SLC25A4: variants seen among roughly 807,000 people sequenced by gnomAD.
SLC25A4 encodes ADP/ATP translocase 1.
SLC25A4 carries 10 observed loss-of-function variants against 24.7 expected under a neutral mutation model. The ratio of observed to expected loss-of-function variants is 0.41; its 90% CI spans 0.25 to 0.69. The LOEUF (loss-of-function observed/expected upper bound fraction) is 0.69. SLC25A4 is among the 30% of genes least tolerant of loss of function. SLC25A4 has a pLI of 0.35. For synonymous variants in SLC25A4, 125 were observed against 153.3 expected, an observed-to-expected ratio of 0.82 and a Z score of 1.36; for missense variants, 273 against 387.6, an observed-to-expected ratio of 0.70 and a Z score of 2.48.
Position 185,143,301 on chromosome 4 carries a change from G to C in SLC25A4, c.-72G>C. ...CGTCGCGCAGGGTCGGGGACTGCGCGGCGGTGCCAGGCCGGGCGTGGGCGA... is the reference window on the plus strand; with the variant it reads ...CGTCGCGCAGGGTCGGGGACTGCGCCGCGGTGCCAGGCCGGGCGTGGGCGA... On this transcript the variant is annotated 5_prime_UTR_variant, in exon 1 of 4. Transcript: ENST00000281456. 1.1e-6 allele frequency: 1 copy of C among 875,644 alleles called. No individual in the cohort carries two copies. The highest frequency in any genetic ancestry group is 1.8e-6 in the Non-Finnish European group (1 of 556,758). 54.2% of individuals were successfully genotyped at this position (875,644 alleles called of 1,614,324 possible). A position where few individuals can be genotyped will look rare whatever the true frequency, so the allele number is the denominator to read the frequency against.
chr4:185,145,234 CTA>C lies in SLC25A4; in HGVS notation c.584_585del (p.Tyr195Ter). 1.2e-6 allele frequency: 2 copies of C among 1,614,040 alleles called. No homozygotes were observed. The highest frequency in any genetic ancestry group is 1.7e-6 in the Non-Finnish European group (2 of 1,180,022). On this transcript the variant is annotated frameshift_variant, in exon 2 of 4. Transcript: ENST00000281456. LOFTEE classifies it high-confidence loss of function. The surrounding 1 kb of genome is among the most constrained non-coding windows in gnomAD (Gnocchi z 5.5). ...TCTATAGAGCTGCCTACTTCGGAGTCTATGATACTGCCAAGGGTGAGAGAGGG... is the reference window on the plus strand; with the variant it reads ...TCTATAGAGCTGCCTACTTCGGAGTCTGATACTGCCAAGGGTGAGAGAGGG... Reference protein sequence around the residue: ...IIYRAAYFGVYDTAKGMLPDP... With the variant: ...IIYRAAYFGVXDTAKGMLPDP...
Position 185,143,411 on chromosome 4 carries a change from G to A in SLC25A4, c.39G>A (p.Leu13=). 3 of 1,527,034 alleles carry A rather than the reference G, an allele frequency of 2.0e-6. No individual in the cohort carries two copies. Among genetic ancestry groups the A allele is most frequent in the Non-Finnish European group, 2.6e-6 (3 of 1,134,598 alleles). 94.6% of individuals were successfully genotyped at this position (1,527,034 alleles called of 1,614,324 possible). A position where few individuals can be genotyped will look rare whatever the true frequency, so the allele number is the denominator to read the frequency against. Residue 13 remains leucine (L), a synonymous_variant, in exon 1 of 4, where the codon CTG becomes CTA. Coordinates refer to ENST00000281456, the MANE Select transcript of SLC25A4 (RefSeq NM_001151.4). ...DHAWSFLKDF[L]AGGVAAAVSK... ...CTTGGAGCTTCCTAAAGGACTTCCT[G>A]GCCGGGGGCGTCGCCGCTGCCGTCT... is the stretch of plus-strand genomic sequence containing the variant.
Position 185,148,944 on chromosome 4 carries a change from C to G in SLC25A4, c.*1973C>G, listed in dbSNP as rs988307253. ...CACCGACTCACTCCTGCCTCCCCAGCTAAAAATTGGCTGTGTTGCTTTTAC... is the reference window on the plus strand; with the variant it reads ...CACCGACTCACTCCTGCCTCCCCAGGTAAAAATTGGCTGTGTTGCTTTTAC... On this transcript the variant is annotated 3_prime_UTR_variant, in exon 4 of 4. Transcript: ENST00000281456. 2 of 152,314 alleles carry G rather than the reference C, an allele frequency of 1.3e-5. No individual in the cohort carries two copies. The highest frequency in any genetic ancestry group is 2.4e-5 in the African/African-American group (1 of 41,456). 9.4% of individuals were successfully genotyped at this position (152,314 alleles called of 1,614,324 possible). A position where few individuals can be genotyped will look rare whatever the true frequency, so the allele number is the denominator to read the frequency against.
rs751852654 is a variant in SLC25A4, at chr4:185,146,961, AAT to A, written c.890_891del (p.Tyr297CysfsTer4). 5.0e-6 allele frequency: 8 copies of A among 1,614,006 alleles called. No individual in the cohort carries two copies. The highest frequency in any genetic ancestry group is 5.1e-6 in the Non-Finnish European group (6 of 1,179,904). Reference sequence around the variant, plus strand: ...TTGGTGTTGTATGATGAGATCAAAAAATATGTCTAATGTAATTAAAACACAAG... The same window carrying A: ...TTGGTGTTGTATGATGAGATCAAAAAATGTCTAATGTAATTAAAACACAAG... On this transcript the variant is annotated frameshift_variant, in exon 4 of 4. Coordinates refer to ENST00000281456, the MANE Select transcript of SLC25A4 (RefSeq NM_001151.4). LOFTEE classifies it high-confidence loss of function.
In SLC25A4 at chr4:185,145,556, C is replaced by T. The variant is rs1734427303; in HGVS notation, c.599-203C>T. 2 of 683,944 alleles carry T rather than the reference C, an allele frequency of 2.9e-6. No individual in the cohort carries two copies. Among genetic ancestry groups the T allele is most frequent in the Non-Finnish European group, 4.9e-6 (2 of 411,550 alleles). The allele number at this position is 683,944 out of a possible 1,614,324, so 42.4% of individuals were successfully genotyped here. On this transcript the variant is annotated intron_variant, in intron 2 of 3. Coordinates refer to ENST00000281456, the MANE Select transcript of SLC25A4 (RefSeq NM_001151.4). This position sits in a 1 kb window ranked among gnomAD's most constrained non-coding sequence, Gnocchi z 5.5. ...CCACTTCCAATGCCCTGTATACAAG[C>T]TGAGCACTGCCCCTCCGGGGTCCGG... is the stretch of plus-strand genomic sequence containing the variant.
At position 185,148,837 on chromosome 4, in the gene SLC25A4, C is replaced by T. The variant is rs1023174481; in HGVS notation, c.*1866C>T. The T allele has an allele frequency of 6.6e-6, 1 of 152,484 alleles. No homozygotes were observed. 9.4% of individuals were successfully genotyped at this position (152,484 alleles called of 1,614,324 possible). On this transcript the variant is annotated 3_prime_UTR_variant, in exon 4 of 4. Coordinates refer to ENST00000281456, the MANE Select transcript of SLC25A4 (RefSeq NM_001151.4). ...AGCTTGAAAGGCAGGCAAATGTCTT[C>T]TCTGTGTTTTCTGACAGGTGGTTGG...
chr4:185,143,670 G>A (rs1734387414), intron 1 of SLC25A4, among the ~76,000 whole-genome samples, 187 bp downstream of exon 1: 1 of 143,408 alleles, frequency 7.0e-6, no homozygotes, highest in South Asian at 2.3e-4. Context: ...GACAGGTCCA[G>A]CGTCAGTCGC....
Position 185,145,322 on chromosome 4 carries a change from G to A in SLC25A4, c.598+72G>A. The A allele has an allele frequency of 6.2e-7, 1 of 1,605,610 alleles. No homozygotes were observed. The highest frequency in any genetic ancestry group is 8.5e-7 in the Non-Finnish European group (1 of 1,178,048). Reference sequence around the variant, plus strand: ...TCCTATGGGATCTATAACTCACAAAGGACCTGATATATATTGATCTTGTTT... The same window carrying A: ...TCCTATGGGATCTATAACTCACAAAAGACCTGATATATATTGATCTTGTTT... On this transcript the variant is annotated intron_variant, in intron 2 of 3. Transcript: ENST00000281456. The surrounding 1 kb of genome is among the most constrained non-coding windows in gnomAD (Gnocchi z 5.5).
In SLC25A4 at chr4:185,144,991, T is replaced by C. The variant is rs751431997; in HGVS notation, c.339T>C (p.Phe113=). 4 of 1,613,470 alleles carry C rather than the reference T, an allele frequency of 2.5e-6. No individual in the cohort carries two copies. Among genetic ancestry groups the C allele is most frequent in the Non-Finnish European group, 3.4e-6 (4 of 1,179,828 alleles). Residue 113 remains phenylalanine, a synonymous_variant, in exon 2 of 4, where the codon TTT becomes TTC. Coordinates refer to ENST00000281456, the MANE Select transcript of SLC25A4 (RefSeq NM_001151.4). ...GGCATAAGCAGTTCTGGCGCTACTTTGCTGGTAACCTGGCGTCCGGTGGGG... is the reference window on the plus strand; with the variant it reads ...GGCATAAGCAGTTCTGGCGCTACTTCGCTGGTAACCTGGCGTCCGGTGGGG... ...VDRHKQFWRY[F]AGNLASGGAA...
intron 3 of SLC25A4, among the ~76,000 whole-genome samples, chr4:185,146,327 A>G (rs1488787071): frequency 1.3e-5 from 2 of 152,076 alleles, no homozygotes; most frequent in African/African-American, 4.8e-5. Context: ...GTGCCAGAGA[A>G]AGTTTTGGCT....
intron 3 of SLC25A4, 113 bp from the exon 4 acceptor site, chr4:185,146,701 G>A: frequency 8.1e-7 from 1 of 1,232,754 alleles, no homozygotes; most frequent in Non-Finnish European, 1.2e-6. Context: ...GGGACTCCAT[G>A]CCCAGATGAC....
intron 3 of SLC25A4, among the ~76,000 whole-genome samples, chr4:185,146,510 C>T (rs903049492): frequency 1.3e-5 from 2 of 152,192 alleles, no homozygotes; most frequent in Non-Finnish European, 2.9e-5. Flanking sequence ...AAGGTAACCG[C>T]GTAGCATAAT....
At chr4:185,144,715 C>T (rs1734406374) in intron 1 of SLC25A4, 49 bp from the exon 2 acceptor site, 1 of 1,594,488 alleles carries the variant, frequency 6.3e-7, no homozygotes, top group Non-Finnish European at 8.6e-7. Context: ...GTCCTCTTCC[C>T]TTCTCTCTAC....
rs1024232355 is a variant in SLC25A4, at chr4:185,146,820, T to C, written c.746T>C (p.Ile249Thr). The C allele has an allele frequency of 4.3e-6, 7 of 1,614,082 alleles. No individual in the cohort carries two copies. The highest frequency in any genetic ancestry group is 4.5e-5 in the East Asian group (2 of 44,892). Residue 249 changes from isoleucine (I) to threonine (T), a missense_variant, in exon 4 of 4, where the codon ATT becomes ACT. Ile to Thr is a moderately conservative substitution (Grantham distance 89, BLOSUM62 -1). Coordinates refer to ENST00000281456, the MANE Select transcript of SLC25A4 (RefSeq NM_001151.4). ...CCAGCATTTGTTTCCACAGCCGATA[T>C]TATGTACACGGGGACAGTTGACTGC... ...MMQSGRKGAD[I>T]MYTGTVDCWR...
chr4:185,145,378 G>A lies in SLC25A4; in HGVS notation c.598+128G>A, dbSNP rs527891657. Reference sequence around the variant, plus strand: ...AGTCTCTGGGATAATTGAGGCTTCTGAATGAGGAGGTGATGTGCATAAGTT... The same window carrying A: ...AGTCTCTGGGATAATTGAGGCTTCTAAATGAGGAGGTGATGTGCATAAGTT... On this transcript the variant is annotated intron_variant, in intron 2 of 3. Coordinates refer to ENST00000281456, the MANE Select transcript of SLC25A4 (RefSeq NM_001151.4). This position sits in a 1 kb window ranked among gnomAD's most constrained non-coding sequence, Gnocchi z 5.5. 5.6e-4 allele frequency: 777 copies of A among 1,390,412 alleles called. 3 individuals are homozygous for A. The highest frequency in any genetic ancestry group is 2.4e-3 in the South Asian group (200 of 82,340). The allele number at this position is 1,390,412 out of a possible 1,614,324, so 86.1% of individuals were successfully genotyped here.
chr4:185,143,410 TG>T lies in SLC25A4; in HGVS notation c.40del (p.Ala14ProfsTer46). 1 of 1,526,022 alleles carries T rather than the reference TG, an allele frequency of 6.6e-7. No individual in the cohort carries two copies. Among genetic ancestry groups the T allele is most frequent in the East Asian group, 2.6e-5 (1 of 38,706 alleles). 94.5% of individuals were successfully genotyped at this position (1,526,022 alleles called of 1,614,324 possible). On this transcript the variant is annotated frameshift_variant, in exon 1 of 4. Transcript: ENST00000281456. LOFTEE classifies it high-confidence loss of function. ...DHAWSFLKDF[L>X]AGGVAAAVSK... is the part of the protein sequence containing the mutation. ...GCTTGGAGCTTCCTAAAGGACTTCC[TG>T]GCCGGGGGCGTCGCCGCTGCCGTCT...
chr4:185,145,361 G>C lies in SLC25A4; in HGVS notation c.598+111G>C. 6.6e-7 allele frequency: 1 copy of C among 1,514,692 alleles called. No individual in the cohort carries two copies. Among genetic ancestry groups the C allele is most frequent in the Non-Finnish European group, 9.0e-7 (1 of 1,109,036 alleles). 93.8% of individuals were successfully genotyped at this position (1,514,692 alleles called of 1,614,324 possible). A position where few individuals can be genotyped will look rare whatever the true frequency, so the allele number is the denominator to read the frequency against. ...TTGATCTTGTTTTTTCTAGTCTCTG[G>C]GATAATTGAGGCTTCTGAATGAGGA... is the stretch of plus-strand genomic sequence containing the variant. On this transcript the variant is annotated intron_variant, in intron 2 of 3. Transcript: ENST00000281456. This position sits in a 1 kb window ranked among gnomAD's most constrained non-coding sequence, Gnocchi z 5.5.
chr4:185,145,685 C>T lies in SLC25A4; in HGVS notation c.599-74C>T. On this transcript the variant is annotated intron_variant, in intron 2 of 3. Coordinates refer to ENST00000281456, the MANE Select transcript of SLC25A4 (RefSeq NM_001151.4). The surrounding 1 kb of genome is among the most constrained non-coding windows in gnomAD (Gnocchi z 5.5). ...GAGCATGGAGCTGGAGGTGCAGTGG[C>T]CTCTCTCCCTCCACCTGCTTTCTGC... 1 of 1,574,154 alleles carries T rather than the reference C, an allele frequency of 6.4e-7. No homozygotes were observed. The highest frequency in any genetic ancestry group is 8.7e-7 in the Non-Finnish European group (1 of 1,147,548).
In SLC25A4 at chr4:185,143,294, A is replaced by G. The variant is rs1241652818; in HGVS notation, c.-79A>G. 6.4e-6 allele frequency: 5 copies of G among 781,290 alleles called. No individual in the cohort carries two copies. The African/African-American group carries it at 7.3e-5, about 11-fold the overall frequency. 48.4% of individuals were successfully genotyped at this position (781,290 alleles called of 1,614,324 possible). A position where few individuals can be genotyped will look rare whatever the true frequency, so the allele number is the denominator to read the frequency against. Reference sequence around the variant, plus strand: ...CCCCTAGCGTCGCGCAGGGTCGGGGACTGCGCGGCGGTGCCAGGCCGGGCG... The same window carrying G: ...CCCCTAGCGTCGCGCAGGGTCGGGGGCTGCGCGGCGGTGCCAGGCCGGGCG... On this transcript the variant is annotated 5_prime_UTR_variant, in exon 1 of 4. Coordinates refer to ENST00000281456, the MANE Select transcript of SLC25A4 (RefSeq NM_001151.4).
Sources: gnomAD v4.1 joint callset for allele counts (sites outside exome capture counted in the v4.1 genomes callset) on GRCh38, gnomAD v4.1.1 for gene constraint, Gnocchi (gnomAD v3.1) non-coding constraint, MANE v1.5 for transcripts, NCBI Gene and HGNC (gene_info 2026-07-23, HGNC 2026-07-21) for gene names.